The following SYNPR variants were observed in gnomAD, a reference collection of about 807,000 sequenced individuals.
The protein encoded by SYNPR is synaptoporin.
Under a neutral mutation model 32.9 loss-of-function variants are expected in SYNPR, and 23 were observed. The observed-to-expected ratio is 0.70, with a 90% CI of 0.50 to 0.99. The LOEUF is 0.99. Ranked by LOEUF, SYNPR falls within the 50% of genes least tolerant of loss-of-function variation. The probability of loss-of-function intolerance (pLI) is 0.00; values close to 1 mark genes in which losing one functional copy is unlikely to be tolerated. For synonymous variants in SYNPR, 146 were observed against 135.9 expected (o/e 1.07, Z -0.52); for missense variants, 318 against 349.3 (o/e 0.91, Z 0.71).
intron 1 of SYNPR, among the ~76,000 whole-genome samples, chr3:63,233,749 T>C (rs999753870): frequency 6.6e-6 from 1 of 152,214 alleles, no homozygotes; most frequent in African/African-American, 2.4e-5. Flanking sequence ...TTTAGCCTAT[T>C]CCATCTCTAT....
At chr3:63,304,842 C>T (rs549717801) in intron 2 of SYNPR, among the ~76,000 whole-genome samples, 4 of 151,962 alleles carry the variant, frequency 2.6e-5, no homozygotes, top group South Asian at 2.1e-4. Flanking sequence ...TTACATTACA[C>T]GACAATGAGA....
At chr3:63,358,518 A>G (rs540438463) in intron 2 of SYNPR, among the ~76,000 whole-genome samples, 6 of 152,176 alleles carry the variant, frequency 3.9e-5, no homozygotes, top group Non-Finnish European at 8.8e-5. Flanking sequence ...ACTTAATCAC[A>G]TCGGCAAACT....
intron 2 of SYNPR, among the ~76,000 whole-genome samples, chr3:63,423,990 A>C (rs948045520): frequency 6.6e-6 from 1 of 152,248 alleles, no homozygotes; most frequent in Non-Finnish European, 1.5e-5. Context: ...AAAAACAAGG[A>C]AAATCTGAGA....
chr3:63,320,836 A>G (rs2087104240), intron 2 of SYNPR, among the ~76,000 whole-genome samples: 1 of 152,060 alleles, frequency 6.6e-6, no homozygotes, highest in African/African-American at 2.4e-5. Flanking sequence ...TGTGGCCTTC[A>G]TGTTCTGAGT....
intron 2 of SYNPR, among the ~76,000 whole-genome samples, chr3:63,283,810 C>CTTTTTTTTTTTTT (rs142282438): frequency 2.3e-5 from 2 of 87,136 alleles, no homozygotes; most frequent in Non-Finnish European, 4.1e-5. Flanking sequence ...AGATAATTAC[C>CTTTTTTTTTTTTT]TTTTTTTTTT....
At chr3:63,208,963 T>C in the SYNPR span, among the ~76,000 whole-genome samples, 1 of 152,170 alleles carries the variant, frequency 6.6e-6, no homozygotes, top group East Asian at 1.9e-4. Flanking sequence ...ACTTTTATAG[T>C]ATCCACAGGA....
chr3:63,470,728 T>C lies in SYNPR; in HGVS notation c.85-10104T>C, dbSNP rs946329691. Among the ~76,000 whole-genome samples, 3 of 152,188 alleles carry C rather than the reference T, an allele frequency of 2.0e-5. 1 individual carries two copies. Among genetic ancestry groups the C allele is most frequent in the Admixed American group, 2.0e-4 (3 of 15,284 alleles). On this transcript the variant is annotated intron_variant, in intron 2 of 5. Transcript: ENST00000478300. ...CTCTTGCCCACCTCCCCTATAAGACTCAGGAAAGCTGAAGATTCACTTCCT... is the reference window on the plus strand; with the variant it reads ...CTCTTGCCCACCTCCCCTATAAGACCCAGGAAAGCTGAAGATTCACTTCCT...
intron 2 of SYNPR, among the ~76,000 whole-genome samples, chr3:63,431,208 T>C (rs940903684): frequency 1.3e-5 from 2 of 152,186 alleles, no homozygotes; most frequent in African/African-American, 4.8e-5. Context: ...TTCAACCTAA[T>C]AGTGATGTGG....
intron 2 of SYNPR, among the ~76,000 whole-genome samples, chr3:63,255,346 C>G (rs1468213173): frequency 6.6e-6 from 1 of 152,152 alleles, no homozygotes; most frequent in African/African-American, 2.4e-5. Context: ...GGCAGATGTA[C>G]TAAGATATTG....
At position 63,609,761 on chromosome 3, in the gene SYNPR, C is replaced by A. The variant is rs192286104; in HGVS notation, c.600+445C>A. 5.9e-4 allele frequency among the ~76,000 whole-genome samples: 90 copies of A among 152,070 alleles called. No homozygotes were observed. The East Asian group carries it at 0.011, about 19-fold the overall frequency. On this transcript the variant is annotated intron_variant, in intron 5 of 5. Coordinates refer to ENST00000478300, the MANE Select transcript of SYNPR (RefSeq NM_001130003.2). ...GTCTCTACTAAAAATACAAAAAAAA[C>A]TAGCCAGGCACGGTGGCTCATGCCT...
chr3:63,406,360 C>CAA (rs2088359760), intron 2 of SYNPR, among the ~76,000 whole-genome samples: 2 of 152,090 alleles, frequency 1.3e-5, no homozygotes, highest in Non-Finnish European at 1.5e-5. Flanking sequence ...AACACTTAAG[C>CAA]ATGGGCTAGG....
intron 2 of SYNPR, among the ~76,000 whole-genome samples, chr3:63,339,167 T>G (rs1296624035): frequency 6.6e-6 from 1 of 152,208 alleles, no homozygotes; most frequent in East Asian, 1.9e-4. Flanking sequence ...TCATATCAGT[T>G]ATTTTGACAT....
intron 3 of SYNPR, among the ~76,000 whole-genome samples, chr3:63,491,978 T>C (rs1701265303): frequency 1.3e-5 from 2 of 152,182 alleles, no homozygotes; most frequent in African/African-American, 4.8e-5. Context: ...TAAGAGGAAG[T>C]GGTCTTGTTA....
At chr3:63,331,933 T>C (rs897139994) in intron 2 of SYNPR, among the ~76,000 whole-genome samples, 3 of 152,158 alleles carry the variant, frequency 2.0e-5, no homozygotes, top group Non-Finnish European at 4.4e-5. Context: ...TACTTTCTAG[T>C]AGGCTAGATG....
At chr3:63,568,992 G>A (rs1305450911) in intron 4 of SYNPR, among the ~76,000 whole-genome samples, 1 of 152,198 alleles carries the variant, frequency 6.6e-6, no homozygotes, top group Non-Finnish European at 1.5e-5. Context: ...TAATGGTTAG[G>A]TGTTAAGCAG....
intron 2 of SYNPR, among the ~76,000 whole-genome samples, chr3:63,461,215 G>C (rs942592707): frequency 6.6e-6 from 1 of 152,064 alleles, no homozygotes; most frequent in African/African-American, 2.4e-5. Flanking sequence ...CATGATAAAT[G>C]GGTTTGTTGA....
chr3:63,411,518 A>G (rs1989603), intron 2 of SYNPR, among the ~76,000 whole-genome samples: 63,643 of 152,008 alleles, frequency 0.42, 13,813 homozygotes, highest in Middle Eastern at 0.57. Context: ...CTGATAATAA[A>G]AGAAAGTTAT....
At chr3:63,319,667 G>GA (rs201788490) in intron 2 of SYNPR, among the ~76,000 whole-genome samples, 91 of 150,570 alleles carry the variant, frequency 6.0e-4, no homozygotes, top group Middle Eastern at 3.4e-3. Context: ...TTCATGCATT[G>GA]AAAAAAAAAT....
intron 2 of SYNPR, among the ~76,000 whole-genome samples, chr3:63,431,348 A>T (rs1013709706): frequency 6.6e-6 from 1 of 152,182 alleles, no homozygotes; most frequent in Non-Finnish European, 1.5e-5. Context: ...GCAGGGTTTG[A>T]AGTTAAATCA....
Sources: gnomAD v4.1 joint callset for allele counts (sites outside exome capture counted in the v4.1 genomes callset) on GRCh38, gnomAD v4.1.1 for gene constraint, MANE v1.5 for transcripts, NCBI Gene and HGNC (gene_info 2026-07-23, HGNC 2026-07-21) for gene names.